The following PCDH15 variants were observed in gnomAD, a reference collection of about 807,000 sequenced individuals.
The protein encoded by PCDH15 is protocadherin related 15.
Under a neutral mutation model 178.5 loss-of-function variants are expected in PCDH15, and 129 were observed. That is an observed-to-expected ratio of 0.72 (90% CI 0.63 to 0.84). The LOEUF (loss-of-function observed/expected upper bound fraction) is 0.84. Among genes scored for constraint, PCDH15 ranks in the 40% least tolerant of loss-of-function variants. The pLI is 0.00. For missense variants in PCDH15, 2,230 were observed against 2,099.9 expected (o/e 1.06, Z -1.21); for synonymous variants, 800 against 732.0 (o/e 1.09, Z -1.50).
intron 3 of PCDH15, among the ~76,000 whole-genome samples, chr10:54,412,551 T>C (rs1953698910): frequency 6.6e-6 from 1 of 152,172 alleles, no homozygotes; most frequent in African/African-American, 2.4e-5. Context: ...GTAGTTATTA[T>C]GCCTATTAAG....
chr10:54,418,474 C>T (rs1215613474), intron 3 of PCDH15, among the ~76,000 whole-genome samples: 1 of 151,938 alleles, frequency 6.6e-6, no homozygotes, highest in African/African-American at 2.4e-5. Context: ...GTTCATCCAG[C>T]CTTCATTCAC....
At chr10:55,498,640 ACT>A (rs1235255435) in intron 2 of PCDH15, among the ~76,000 whole-genome samples, 1 of 151,898 alleles carries the variant, frequency 6.6e-6, no homozygotes, top group Non-Finnish European at 1.5e-5. Context: ...TATGCTCAGT[ACT>A]ATATAAGTAG....
intron 2 of PCDH15, among the ~76,000 whole-genome samples, chr10:55,506,797 T>C (rs1340055923): frequency 1.3e-5 from 2 of 151,528 alleles, no homozygotes; most frequent in African/African-American, 4.8e-5. Flanking sequence ...CTTAGTGGTG[T>C]CTAGTTCTCA....
At position 55,067,313 on chromosome 10, in the gene PCDH15, T is replaced by C. The variant is rs1280219116; in HGVS notation, c.-80+99263A>G. Among the ~76,000 whole-genome samples, 3 of 152,040 alleles carry C rather than the reference T, an allele frequency of 2.0e-5. No individual in the cohort carries two copies. In the South Asian group the frequency reaches 6.2e-4, roughly 31 times the overall value. The stretch of plus-strand genomic sequence containing the variant: ...GAGATCAAGTTTTTTGGTTCTCATA[T>C]ATGATTGAGAATATGTAGTGTTTGT... On this transcript the variant is annotated intron_variant, in intron 2 of 5. Transcript: ENST00000458638.
At chr10:55,110,263 T>A (rs1351887952) in intron 2 of PCDH15, among the ~76,000 whole-genome samples, 1 of 152,020 alleles carries the variant, frequency 6.6e-6, no homozygotes, top group Non-Finnish European at 1.5e-5. Flanking sequence ...GATACAGAAA[T>A]CACAACAGGG....
At chr10:54,174,948 T>A (rs1338899570) in intron 13 of PCDH15, among the ~76,000 whole-genome samples, 2 of 152,152 alleles carry the variant, frequency 1.3e-5, no homozygotes. Flanking sequence ...GAATTACATG[T>A]TGGTGTATAT....
At chr10:54,507,001 A>T (rs1480031696) in intron 3 of PCDH15, among the ~76,000 whole-genome samples, 2 of 151,938 alleles carry the variant, frequency 1.3e-5, no homozygotes, top group African/African-American at 4.8e-5. Context: ...TTTCCATATA[A>T]CCTTAGGCTT....
chr10:53,963,348 A>C (rs78250738), intron 21 of PCDH15, among the ~76,000 whole-genome samples: 5,504 of 151,964 alleles, frequency 0.036, 150 homozygotes, highest in East Asian at 0.13. Flanking sequence ...TTTTTCCACT[A>C]TTCTGCCTTT....
intron 2 of PCDH15, among the ~76,000 whole-genome samples, chr10:55,017,718 A>C (rs1048780210): frequency 5.9e-5 from 9 of 152,162 alleles, no homozygotes; most frequent in African/African-American, 2.2e-4. Flanking sequence ...ACAACATGTA[A>C]ACTTTGACTT....
At chr10:55,035,833 T>C (rs183631760) in intron 2 of PCDH15, among the ~76,000 whole-genome samples, 1 of 147,062 alleles carries the variant, frequency 6.8e-6, no homozygotes, top group African/African-American at 2.7e-5. Context: ...CTGATGGCCA[T>C]AGGGGGTAGC....
chr10:54,742,545 G>A (rs1352074135), intron 1 of PCDH15, among the ~76,000 whole-genome samples: 4 of 152,026 alleles, frequency 2.6e-5, no homozygotes, highest in East Asian at 1.9e-4. Flanking sequence ...GTTAAGTGAT[G>A]TAGAGAAAGG....
At chr10:53,896,797 T>C (rs2081983459) in intron 26 of PCDH15, among the ~76,000 whole-genome samples, 2 of 152,158 alleles carry the variant, frequency 1.3e-5, no homozygotes, top group Non-Finnish European at 2.9e-5. Context: ...GGGTTCCAGG[T>C]TGCACAAACC....
intron 1 of PCDH15, among the ~76,000 whole-genome samples, chr10:54,700,449 T>A (rs926976446): frequency 6.6e-6 from 1 of 151,680 alleles, no homozygotes; most frequent in South Asian, 2.1e-4. Flanking sequence ...CAAAACCCAA[T>A]CCAAGGAGTC....
intron 21 of PCDH15, chr10:53,994,985 G>A (rs11003979): frequency 0.33 from 50,806 of 151,696 alleles, 10,320 homozygotes; most frequent in Middle Eastern, 0.56. Context: ...AACTTACAGT[G>A]TGAGCCCACT....
At chr10:54,694,090 T>C (rs1225597982) in intron 1 of PCDH15, among the ~76,000 whole-genome samples, 1 of 152,110 alleles carries the variant, frequency 6.6e-6, no homozygotes, top group East Asian at 1.9e-4. Flanking sequence ...AATAAAATGA[T>C]GTACATACAT....
intron 18 of PCDH15, among the ~76,000 whole-genome samples, chr10:54,049,162 C>T (rs2093715115): frequency 6.6e-6 from 1 of 152,140 alleles, no homozygotes; most frequent in South Asian, 2.1e-4. Context: ...CTTGATTTGG[C>T]TCTCAGCTTG....
At chr10:54,787,059 G>C (rs956847673) in intron 1 of PCDH15, among the ~76,000 whole-genome samples, 15 of 151,616 alleles carry the variant, frequency 9.9e-5, no homozygotes, top group African/African-American at 3.4e-4. Flanking sequence ...TAACTTTGAA[G>C]GTATCATCTT....
chr10:55,467,928 CT>C (rs769005405), intron 2 of PCDH15, among the ~76,000 whole-genome samples: 177 of 125,958 alleles, frequency 1.4e-3, no homozygotes, highest in Non-Finnish European at 2.0e-3. Flanking sequence ...GATCGCGCCA[CT>C]GCACTCCAGC....
At chr10:54,999,244 C>A (rs1397595688) in intron 2 of PCDH15, among the ~76,000 whole-genome samples, 1 of 152,064 alleles carries the variant, frequency 6.6e-6, no homozygotes, top group East Asian at 1.9e-4. Flanking sequence ...ATATGTTTTT[C>A]TTACCTCTGA....
Sources: gnomAD v4.1 joint callset for allele counts (sites outside exome capture counted in the v4.1 genomes callset) on GRCh38, gnomAD v4.1.1 for gene constraint, MANE v1.5 for transcripts, NCBI Gene and HGNC (gene_info 2026-07-23, HGNC 2026-07-21) for gene names.